MAML2: variants seen among roughly 807,000 people sequenced by gnomAD.
MAML2 encodes mastermind like transcriptional coactivator 2.
A neutral mutation model predicts 96.1 loss-of-function variants in MAML2; 22 were observed. That is an observed-to-expected ratio of 0.23 (90% CI 0.16 to 0.33). The LOEUF (loss-of-function observed/expected upper bound fraction) is 0.33. Among genes scored for constraint, MAML2 ranks in the 10% least tolerant of loss-of-function variants. The pLI is 1.00. For synonymous variants in MAML2, 561 were observed against 521.3 expected (o/e 1.08, Z -1.04); for missense variants, 1,367 against 1,392.4 (o/e 0.98, Z 0.29).
At chr11:96,218,201 A>G (rs1348888184) in intron 1 of MAML2, among the ~76,000 whole-genome samples, 2 of 152,260 alleles carry the variant, frequency 1.3e-5, no homozygotes, top group African/African-American at 2.4e-5. Context: ...CAGCAGTGTC[A>G]GTGACAGAAG....
chr11:96,327,731 C>T (rs551624510), intron 1 of MAML2, among the ~76,000 whole-genome samples: 2 of 152,082 alleles, frequency 1.3e-5, no homozygotes, highest in South Asian at 4.2e-4. Context: ...TTCCCATACT[C>T]TTCAATGTAT....
intron 1 of MAML2, among the ~76,000 whole-genome samples, chr11:96,211,466 A>T (rs1300663006): frequency 6.6e-6 from 1 of 151,804 alleles, no homozygotes; most frequent in African/African-American, 2.4e-5. Flanking sequence ...AAAAAAGAAA[A>T]GCCTGTTATC....
At chr11:95,994,775 TG>T (rs1857966687) in intron 2 of MAML2, among the ~76,000 whole-genome samples, 1 of 152,206 alleles carries the variant, frequency 6.6e-6, no homozygotes, top group African/African-American at 2.4e-5. Flanking sequence ...TTTTTTGTTT[TG>T]GTTTATTTTT....
At chr11:96,170,815 C>T (rs529999924) in intron 1 of MAML2, among the ~76,000 whole-genome samples, 21 of 152,136 alleles carry the variant, frequency 1.4e-4, no homozygotes, top group South Asian at 2.1e-4. Context: ...CCCGGGTTCA[C>T]GCCATTCTCC....
At chr11:96,142,511 T>C (rs1860751339) in intron 1 of MAML2, among the ~76,000 whole-genome samples, 1 of 152,236 alleles carries the variant, frequency 6.6e-6, no homozygotes, top group African/African-American at 2.4e-5. Flanking sequence ...TAAGATCTCA[T>C]AACCCTCAGG....
chr11:96,299,748 C>T (rs768333811), intron 1 of MAML2, among the ~76,000 whole-genome samples: 4 of 152,186 alleles, frequency 2.6e-5, no homozygotes, highest in Non-Finnish European at 5.9e-5. Flanking sequence ...AAGTGCCCTG[C>T]TGCTTAGCAC....
intron 2 of MAML2, among the ~76,000 whole-genome samples, chr11:96,023,835 C>G (rs1858473684): frequency 6.6e-6 from 1 of 152,118 alleles, no homozygotes; most frequent in Non-Finnish European, 1.5e-5. Context: ...GTTAGGGAAG[C>G]TGGAGAAATG....
chr11:96,030,464 A>G (rs1263037968), intron 2 of MAML2, among the ~76,000 whole-genome samples: 2 of 152,226 alleles, frequency 1.3e-5, no homozygotes, highest in African/African-American at 2.4e-5. Context: ...AAATTGTTAT[A>G]TAAGAATAAT....
chr11:96,252,579 C>T (rs902221107), intron 1 of MAML2, among the ~76,000 whole-genome samples: 38 of 151,988 alleles, frequency 2.5e-4, no homozygotes, highest in African/African-American at 9.2e-4. Context: ...GCGCGTGTCA[C>T]CATGCCTGGC....
At chr11:96,171,704 T>C (rs527659304) in intron 1 of MAML2, among the ~76,000 whole-genome samples, 40 of 152,308 alleles carry the variant, frequency 2.6e-4, no homozygotes, top group Non-Finnish European at 4.6e-4. Context: ...AAATCAGAGC[T>C]GGAGACAGGG....
At position 96,092,865 on chromosome 11, in the gene MAML2, G is replaced by A; in HGVS notation, c.1166C>T (p.Pro389Leu). ...SPQLRPPSAG[P>L]AFSMANSALS... Reference sequence around the variant, plus strand: ...GGCAGAGTTGGCCATGGAGAATGCGGGGCCAGCTGATGGGGGCCTCAGCTG... The same window carrying A: ...GGCAGAGTTGGCCATGGAGAATGCGAGGCCAGCTGATGGGGGCCTCAGCTG... Residue 389 changes from proline to leucine, a missense_variant, in exon 2 of 5, where the codon CCC (proline) becomes CTC (leucine). Coordinates refer to ENST00000524717, the MANE Select transcript of MAML2 (RefSeq NM_032427.4). The surrounding 1 kb of genome is among the most constrained non-coding windows in gnomAD (Gnocchi z 4.1). The A allele has an allele frequency of 6.2e-7, 1 of 1,606,490 alleles. No homozygotes were observed. Among genetic ancestry groups the A allele is most frequent in the South Asian group, 1.1e-5 (1 of 89,678 alleles).
rs374497219 is a variant in MAML2 at position 95,989,392 on chromosome 11, C to T, written c.2343+2128G>A. Among the ~76,000 whole-genome samples, 23 of 152,366 alleles carry T rather than the reference C, an allele frequency of 1.5e-4. No homozygotes were observed. In the South Asian group the frequency reaches 4.8e-3, roughly 32 times the overall value. On this transcript the variant is annotated intron_variant, in intron 3 of 4. Transcript: ENST00000524717. ...TCACAGTTTATGCCACTGCCCTTTG[C>T]ACCTGTCCTAGTGGTGACTCAACTG...
intron 1 of MAML2, among the ~76,000 whole-genome samples, chr11:96,283,230 A>G (rs1352151086): frequency 6.6e-6 from 1 of 152,196 alleles, no homozygotes; most frequent in Non-Finnish European, 1.5e-5. Flanking sequence ...TGTGCTCTCT[A>G]CAGACCTTGC....
At chr11:95,989,542 A>G (rs1250318235) in intron 3 of MAML2, among the ~76,000 whole-genome samples, 1 of 152,210 alleles carries the variant, frequency 6.6e-6, no homozygotes, top group Non-Finnish European at 1.5e-5. Context: ...TGAAATTAGT[A>G]GTATTGATGG....
intron 2 of MAML2, among the ~76,000 whole-genome samples, chr11:96,009,441 T>C (rs1164279808): frequency 1.3e-5 from 2 of 152,214 alleles, no homozygotes. Context: ...GAATGGTTTC[T>C]TTTTTATATA....
At chr11:96,293,026 A>G (rs538636) in intron 1 of MAML2, among the ~76,000 whole-genome samples, 38,400 of 152,112 alleles carry the variant, frequency 0.25, 5,068 homozygotes, top group East Asian at 0.32. Context: ...TGTCTTTCAA[A>G]TGGAAAGTAA....
intron 1 of MAML2, among the ~76,000 whole-genome samples, chr11:96,139,274 G>A (rs1006164163): frequency 6.6e-6 from 1 of 151,930 alleles, no homozygotes; most frequent in Admixed American, 6.6e-5. Context: ...TCAGGAGATC[G>A]AGACCATCCT....
At position 96,092,791 on chromosome 11, in the gene MAML2, G is replaced by A. The variant is rs767497072; in HGVS notation, c.1240C>T (p.Pro414Ser). Residue 414 changes from proline (P) to serine (S), a missense_variant, in exon 2 of 5, where the codon CCT (proline) becomes TCT (serine). Pro to Ser is a moderately conservative substitution (Grantham distance 74, BLOSUM62 -1). Coordinates refer to ENST00000524717, the MANE Select transcript of MAML2 (RefSeq NM_032427.4). The surrounding 1 kb of genome is among the most constrained non-coding windows in gnomAD (Gnocchi z 4.1). The stretch of plus-strand genomic sequence containing the variant: ...CGGCTTGCTCCGGAGCCTGTCTGAG[G>A]CTGAGCCTGGCTCTGAGGGACTGAA... ...IPSVPQSQAQ[P>S]QTGSGASRAL... The A allele has an allele frequency of 1.9e-6, 3 of 1,612,360 alleles. No individual in the cohort carries two copies. Among genetic ancestry groups the A allele is most frequent in the Non-Finnish European group, 2.5e-6 (3 of 1,178,824 alleles).
intron 2 of MAML2, among the ~76,000 whole-genome samples, chr11:96,035,740 T>G (rs1324852918): frequency 6.6e-6 from 1 of 152,206 alleles, no homozygotes; most frequent in Admixed American, 6.5e-5. Context: ...CCAGGAAATC[T>G]TCATATATTC....
Sources: gnomAD v4.1 joint callset for allele counts (sites outside exome capture counted in the v4.1 genomes callset) on GRCh38, gnomAD v4.1.1 for gene constraint, Gnocchi (gnomAD v3.1) non-coding constraint, MANE v1.5 for transcripts, NCBI Gene and HGNC (gene_info 2026-07-23, HGNC 2026-07-21) for gene names.